The following ATXN1 variants were observed in gnomAD, a reference collection of about 807,000 sequenced individuals.
ATXN1 encodes the protein ataxin-1.
ATXN1 carries 8 observed loss-of-function variants against 56.4 expected under a neutral mutation model. The observed-to-expected ratio is 0.14, with a 90% CI of 0.08 to 0.26. The LOEUF (loss-of-function observed/expected upper bound fraction) is 0.26. Ranked by LOEUF, ATXN1 falls within the 10% of genes least tolerant of loss-of-function variation. The pLI is 1.00. For synonymous variants in ATXN1, 514 were observed against 494.6 expected (o/e 1.04, Z -0.52); for missense variants, 987 against 1,106.5 (o/e 0.89, Z 1.53).
At chr6:16,526,391 T>C (rs1195811903) in intron 4 of ATXN1, among the ~76,000 whole-genome samples, 1 of 152,176 alleles carries the variant, frequency 6.6e-6, no homozygotes, top group East Asian at 1.9e-4. Context: ...CAGCAAAAAG[T>C]TGTTTTGGTT....
chr6:16,353,606 G>A (rs560756966), intron 6 of ATXN1, among the ~76,000 whole-genome samples: 4 of 152,198 alleles, frequency 2.6e-5, no homozygotes, highest in Admixed American at 6.5e-5. Context: ...CCTGGGAGGC[G>A]GAGGTTGCAA....
intron 6 of ATXN1, among the ~76,000 whole-genome samples, chr6:16,341,299 T>C (rs1446223382): frequency 1.3e-5 from 2 of 152,126 alleles, no homozygotes; most frequent in African/African-American, 4.8e-5. Flanking sequence ...CTTGCAGCCT[T>C]AGTACTAGGG....
At chr6:16,694,252 C>CT (rs537104749) in intron 2 of ATXN1, among the ~76,000 whole-genome samples, 24,171 of 122,398 alleles carry the variant, frequency 0.2, 2,434 homozygotes, top group East Asian at 0.34. Context: ...TTTTTTTTTT[C>CT]TTTTTTTTTT....
chr6:16,626,118 T>C (rs1419247813), intron 3 of ATXN1, among the ~76,000 whole-genome samples: 1 of 152,196 alleles, frequency 6.6e-6, no homozygotes, highest in African/African-American at 2.4e-5. Context: ...CCCCAGTGCC[T>C]AGTACAACGC....
At chr6:16,346,188 T>G (rs1761383669) in intron 6 of ATXN1, among the ~76,000 whole-genome samples, 2 of 152,210 alleles carry the variant, frequency 1.3e-5, no homozygotes, top group South Asian at 4.1e-4. Context: ...CCTGAGTAGC[T>G]GGGATTACAG....
At chr6:16,507,423 A>G (rs1177102395) in intron 5 of ATXN1, among the ~76,000 whole-genome samples, 1 of 152,214 alleles carries the variant, frequency 6.6e-6, no homozygotes. Context: ...TGAATACGCC[A>G]GACAAGTATT....
intron 4 of ATXN1, among the ~76,000 whole-genome samples, chr6:16,555,813 T>C (rs1403031652): frequency 6.6e-6 from 1 of 152,226 alleles, no homozygotes. Context: ...CTCTGTATGT[T>C]AGATGTTTCC....
chr6:16,607,105 C>G (rs1763024466), intron 3 of ATXN1, among the ~76,000 whole-genome samples: 1 of 111,662 alleles, frequency 9.0e-6, no homozygotes, highest in Non-Finnish European at 2.0e-5. Flanking sequence ...AACTCCTGAC[C>G]TCAGGTGATC....
chr6:16,361,490 G>A (rs1387809990), intron 6 of ATXN1, among the ~76,000 whole-genome samples: 1 of 152,050 alleles, frequency 6.6e-6, no homozygotes, highest in East Asian at 1.9e-4. Flanking sequence ...GGAAATATCT[G>A]ATGGATTGTC....
chr6:16,444,070 T>C (rs143473538), intron 6 of ATXN1, among the ~76,000 whole-genome samples: 3,114 of 151,096 alleles, frequency 0.021, 109 homozygotes, highest in African/African-American at 0.07. Flanking sequence ...GAGCCGAGAT[T>C]GCGCCACTGC....
rs548203394 is a variant in ATXN1 at position 16,599,340 on chromosome 6, CTT to C, written c.-488-13435_-488-13434del. 3.9e-5 allele frequency among the ~76,000 whole-genome samples: 6 copies of C among 152,178 alleles called. No homozygotes were observed. In the South Asian group the frequency reaches 1.2e-3, roughly 32 times the overall value. On this transcript the variant is annotated intron_variant, in intron 3 of 7. Coordinates refer to ENST00000436367, the MANE Select transcript of ATXN1 (RefSeq NM_001128164.2). ...AAAACAGATTTGTGCACTGAGAAGA[CTT>C]TTGAAATTTGAAAGGCCGCTACTAA...
At chr6:16,544,679 G>A (rs370709879) in intron 4 of ATXN1, among the ~76,000 whole-genome samples, 2 of 152,174 alleles carry the variant, frequency 1.3e-5, no homozygotes, top group East Asian at 1.9e-4. Flanking sequence ...AGTGAGCCAC[G>A]ATTTGTAACC....
At chr6:16,746,062 G>A (rs1353085342) in intron 2 of ATXN1, among the ~76,000 whole-genome samples, 2 of 151,780 alleles carry the variant, frequency 1.3e-5, no homozygotes, top group Non-Finnish European at 2.9e-5. Flanking sequence ...TGTGAGTTAG[G>A]TGATATTATC....
At chr6:16,332,511 G>A (rs1281630129) in intron 6 of ATXN1, among the ~76,000 whole-genome samples, 1 of 152,036 alleles carries the variant, frequency 6.6e-6, no homozygotes, top group Non-Finnish European at 1.5e-5. Flanking sequence ...CCCTCCCAGG[G>A]GACCCCCGAG....
chr6:16,346,099 G>A (rs753324021), intron 6 of ATXN1, among the ~76,000 whole-genome samples: 5 of 152,154 alleles, frequency 3.3e-5, no homozygotes, highest in Non-Finnish European at 5.9e-5. Flanking sequence ...ACAGTAGCCA[G>A]AGCTGGAGCG....
chr6:16,335,311 A>G (rs1169212587), intron 6 of ATXN1, among the ~76,000 whole-genome samples: 1 of 152,222 alleles, frequency 6.6e-6, no homozygotes, highest in African/African-American at 2.4e-5. Flanking sequence ...GGCCCTGTCT[A>G]GAGACATCCA....
At chr6:16,507,431 A>G (rs929773962) in intron 5 of ATXN1, among the ~76,000 whole-genome samples, 1 of 152,174 alleles carries the variant, frequency 6.6e-6, no homozygotes, top group South Asian at 2.1e-4. Context: ...CCAGACAAGT[A>G]TTTTTCTTAG....
chr6:16,632,852 C>T (rs1763530182), intron 3 of ATXN1, among the ~76,000 whole-genome samples: 1 of 151,774 alleles, frequency 6.6e-6, no homozygotes, highest in Admixed American at 6.6e-5. Context: ...AAAAAATTAG[C>T]CGGGTGTGGT....
At chr6:16,446,618 A>C (rs540531472) in intron 6 of ATXN1, among the ~76,000 whole-genome samples, 5 of 152,236 alleles carry the variant, frequency 3.3e-5, no homozygotes, top group Admixed American at 6.5e-5. Context: ...ATTTGCATGA[A>C]ATAAATTATT....
Sources: allele counts gnomAD v4.1 joint callset (sites outside exome capture counted in the v4.1 genomes callset), GRCh38; gene constraint gnomAD v4.1.1; transcripts MANE v1.5; gene names NCBI Gene and HGNC (gene_info 2026-07-23, HGNC 2026-07-21).